MLLT3: variants seen among roughly 807,000 people sequenced by gnomAD.
MLLT3 encodes protein AF-9.
A neutral mutation model predicts 53.2 loss-of-function variants in MLLT3; 4 were observed. That is an observed-to-expected ratio of 0.08 (90% CI 0.04 to 0.17). The LOEUF (loss-of-function observed/expected upper bound fraction) is 0.17, where lower values mean the gene tolerates loss of function less well. Ranked by LOEUF, MLLT3 falls within the 10% of genes least tolerant of loss-of-function variation. The probability of loss-of-function intolerance (pLI) is 1.00; values close to 1 mark genes in which losing one functional copy is unlikely to be tolerated. For missense variants in MLLT3, 569 were observed against 684.0 expected, an observed-to-expected ratio of 0.83 and a Z score of 1.87; for synonymous variants, 283 against 230.6, an observed-to-expected ratio of 1.23 and a Z score of -2.06.
chr9:20,415,877 A>C (rs180971883), intron 4 of MLLT3, among the ~76,000 whole-genome samples: 198 of 152,158 alleles, frequency 1.3e-3, no homozygotes, highest in African/African-American at 4.4e-3. Context: ...TTGGTTTCTT[A>C]ATAAATTTTT....
At chr9:20,437,991 T>C (rs921862559) in intron 4 of MLLT3, among the ~76,000 whole-genome samples, 3 of 152,204 alleles carry the variant, frequency 2.0e-5, no homozygotes, top group Admixed American at 2.0e-4. Context: ...CAAAACAGTC[T>C]TATCAAAAGT....
At position 20,414,001 on chromosome 9, in the gene MLLT3, C is replaced by T; in HGVS notation, c.845G>A (p.Ser282Asn). The T allele has an allele frequency of 6.2e-7, 1 of 1,614,164 alleles. No individual in the cohort carries two copies. The highest frequency in any genetic ancestry group is 8.5e-7 in the Non-Finnish European group (1 of 1,180,032). ...AGAATCTGAAATGGGCGGCCTTTTA[C>T]TAGGAGCCTTCTTATCTTGTCCACT... Reference protein sequence around the residue: ...ITSGQDKKAPSKRPPISDSEE... With the variant: ...ITSGQDKKAPNKRPPISDSEE... Residue 282 changes from serine (S) to asparagine (N), a missense_variant, in exon 5 of 11, where the codon AGT (serine) becomes AAT (asparagine). This residue lies in a region of MLLT3 where 437 missense variants were observed against 376.5 expected (regional missense o/e 1.16). Coordinates refer to ENST00000380338, the MANE Select transcript of MLLT3 (RefSeq NM_004529.4).
chr9:20,540,480 C>T (rs1384985154), intron 2 of MLLT3, among the ~76,000 whole-genome samples: 3 of 152,224 alleles, frequency 2.0e-5, no homozygotes, highest in Admixed American at 6.5e-5. Context: ...GGTCCAACAC[C>T]ACGTGGAAGT....
intron 5 of MLLT3, among the ~76,000 whole-genome samples, chr9:20,410,143 G>C (rs191273254): frequency 6.6e-6 from 1 of 152,208 alleles, no homozygotes; most frequent in African/African-American, 2.4e-5. Flanking sequence ...TCAGAGCAAA[G>C]TGACAAAAGA....
chr9:20,620,823 C>T lies in MLLT3; in HGVS notation c.24G>A (p.Gln8=). 1 of 1,614,084 alleles carries T rather than the reference C, an allele frequency of 6.2e-7. No homozygotes were observed. The highest frequency in any genetic ancestry group is 8.5e-7 in the Non-Finnish European group (1 of 1,180,018). Residue 8 remains glutamine, a synonymous_variant, in exon 2 of 11, where the codon CAG becomes CAA. Transcript: ENST00000380338. This position sits in a 1 kb window ranked among gnomAD's most constrained non-coding sequence, Gnocchi z 6.1. The stretch of plus-strand genomic sequence containing the variant: ...CGCGGTGCCCCAGCTCCAGCTTCAC[C>T]TGCACGGCACACTGCGGGCAGGGGG... The part of the protein sequence containing the change: MASSCAV[Q]VKLELGHRAQ...
At chr9:20,495,843 T>C (rs1029090578) in intron 2 of MLLT3, among the ~76,000 whole-genome samples, 1 of 152,204 alleles carries the variant, frequency 6.6e-6, no homozygotes, top group Non-Finnish European at 1.5e-5. Context: ...AATTTAAATA[T>C]GCTTGAGACA....
At chr9:20,505,398 C>T (rs952180964) in intron 2 of MLLT3, among the ~76,000 whole-genome samples, 1 of 151,908 alleles carries the variant, frequency 6.6e-6, no homozygotes, top group Admixed American at 6.6e-5. Flanking sequence ...CTTTTTTTTC[C>T]TCCAACAAAA....
rs1486954345 is a variant in MLLT3, at chr9:20,620,240, T to C, written c.193+414A>G. On this transcript the variant is annotated intron_variant, in intron 2 of 10. Coordinates refer to ENST00000380338, the MANE Select transcript of MLLT3 (RefSeq NM_004529.4). The surrounding 1 kb of genome is among the most constrained non-coding windows in gnomAD (Gnocchi z 6.1). ...TGCTAATAACACAGGTAAATCTTAA[T>C]TTCTCTAGGAAAACACACACACACA... Among the ~76,000 whole-genome samples the C allele has an allele frequency of 7.2e-6, 1 of 139,526 alleles. No homozygotes were observed. Among genetic ancestry groups the C allele is most frequent in the Non-Finnish European group, 1.5e-5 (1 of 65,462 alleles). The allele number at this position is 139,526 out of a possible 152,430, so 91.5% of individuals were successfully genotyped here.
intron 5 of MLLT3, among the ~76,000 whole-genome samples, chr9:20,368,451 T>G (rs1310906424): frequency 6.6e-6 from 1 of 152,182 alleles, no homozygotes; most frequent in African/African-American, 2.4e-5. Flanking sequence ...TCATCTTGCC[T>G]GGCCAGTTCA....
chr9:20,409,704 C>T (rs1185336122), intron 5 of MLLT3, among the ~76,000 whole-genome samples: 1 of 152,208 alleles, frequency 6.6e-6, no homozygotes, highest in Non-Finnish European at 1.5e-5. Flanking sequence ...CACTATAACA[C>T]AGTCCTTCTG....
At chr9:20,534,009 A>G (rs1818413066) in intron 2 of MLLT3, among the ~76,000 whole-genome samples, 1 of 152,224 alleles carries the variant, frequency 6.6e-6, no homozygotes, top group Non-Finnish European at 1.5e-5. Flanking sequence ...TGTGGTAGTC[A>G]TGGCACAATG....
intron 2 of MLLT3, among the ~76,000 whole-genome samples, chr9:20,461,274 TA>T (rs1824102483): frequency 6.6e-6 from 1 of 152,162 alleles, no homozygotes; most frequent in East Asian, 1.9e-4. Context: ...GATTCAAATA[TA>T]TAATATGTAG....
intron 2 of MLLT3, among the ~76,000 whole-genome samples, chr9:20,542,811 T>C (rs1818678015): frequency 6.6e-6 from 1 of 152,226 alleles, no homozygotes; most frequent in African/African-American, 2.4e-5. Flanking sequence ...GATGGTATCT[T>C]CACCATTAGA....
At chr9:20,470,702 T>C (rs1406668638) in intron 2 of MLLT3, among the ~76,000 whole-genome samples, 2 of 152,002 alleles carry the variant, frequency 1.3e-5, no homozygotes, top group Non-Finnish European at 2.9e-5. Flanking sequence ...AGTACTATTG[T>C]TTAGCTTCTA....
chr9:20,534,108 T>C (rs1256214928), intron 2 of MLLT3, among the ~76,000 whole-genome samples: 2 of 151,846 alleles, frequency 1.3e-5, no homozygotes, highest in Non-Finnish European at 1.5e-5. Flanking sequence ...AAGTCATCCT[T>C]AAAAAAAAGC....
At chr9:20,394,148 A>AT (rs1281848501) in intron 5 of MLLT3, among the ~76,000 whole-genome samples, 1 of 152,088 alleles carries the variant, frequency 6.6e-6, no homozygotes, top group Non-Finnish European at 1.5e-5. Flanking sequence ...CTGGATTCTC[A>AT]TATAGGCTTC....
chr9:20,452,444 G>A (rs1016075441), intron 3 of MLLT3, among the ~76,000 whole-genome samples: 8 of 152,140 alleles, frequency 5.3e-5, no homozygotes, highest in African/African-American at 1.7e-4. Flanking sequence ...TAAGTTTCTT[G>A]AGGCCTTCCC....
chr9:20,515,257 T>C (rs1393798414), intron 2 of MLLT3, among the ~76,000 whole-genome samples: 1 of 152,118 alleles, frequency 6.6e-6, no homozygotes, highest in Non-Finnish European at 1.5e-5. Flanking sequence ...CAAGGAACAA[T>C]TTTTAGGCAA....
chr9:20,575,402 G>T (rs796645327), intron 2 of MLLT3, among the ~76,000 whole-genome samples: 15 of 152,200 alleles, frequency 9.9e-5, no homozygotes, highest in African/African-American at 3.1e-4. Context: ...ATGATCATTA[G>T]CAATTTTTTT....
Sources: allele counts gnomAD v4.1 joint callset (sites outside exome capture counted in the v4.1 genomes callset), GRCh38; gene constraint gnomAD v4.1.1; regional missense constraint gnomAD v4.1.1; non-coding constraint Gnocchi (gnomAD v3.1); transcripts MANE v1.5; gene names NCBI Gene and HGNC (gene_info 2026-07-23, HGNC 2026-07-21).